CCDC66: variants seen among roughly 807,000 people sequenced by gnomAD.
CCDC66 encodes the protein coiled-coil domain-containing protein 66.
In CCDC66, 133 loss-of-function variants were observed where a neutral mutation model predicts 128.3. The ratio of observed to expected loss-of-function variants is 1.04; its 90% CI spans 0.90 to 1.20. The LOEUF (loss-of-function observed/expected upper bound fraction) is 1.20. Ranked by LOEUF, CCDC66 falls within the 50% of genes most tolerant of loss-of-function variation. The probability of loss-of-function intolerance (pLI) is 0.00; values close to 1 mark genes in which losing one functional copy is unlikely to be tolerated. For missense variants in CCDC66, 1,126 were observed against 1,075.5 expected (o/e 1.05, Z -0.66); for synonymous variants, 387 against 357.0 (o/e 1.08, Z -0.95).
rs1364075658 is a variant in CCDC66, at chr3:56,619,528, GT to G, written c.2635+2del. The G allele has an allele frequency of 6.2e-7, 1 of 1,601,410 alleles. No homozygotes were observed. Among genetic ancestry groups the G allele is most frequent in the Non-Finnish European group, 8.5e-7 (1 of 1,175,364 alleles). On this transcript the variant is annotated splice_donor_variant, in intron 16 of 17. Coordinates refer to ENST00000394672, the MANE Select transcript of CCDC66 (RefSeq NM_001141947.3). LOFTEE classifies it high-confidence loss of function. ...GACCCTCAGTACCAAAATTCACAAG[GT>G]AAGTAAATATTAAGCATTCTAACTG...
chr3:56,579,505 G>C (rs2067963991), intron 7 of CCDC66, among the ~76,000 whole-genome samples: 1 of 151,708 alleles, frequency 6.6e-6, no homozygotes, highest in Non-Finnish European at 1.5e-5. Flanking sequence ...TGATATTAGG[G>C]TGTCAATTTT....
intron 11 of CCDC66, 91 bp from the exon 12 acceptor site, chr3:56,615,037 T>C (rs1371852313): frequency 7.4e-6 from 10 of 1,348,022 alleles, no homozygotes; most frequent in Non-Finnish European, 7.2e-6. Flanking sequence ...GCCTGATACA[T>C]AGGAGAAGCT....
intron 10 of CCDC66, among the ~76,000 whole-genome samples, chr3:56,594,414 C>T (rs149818388): frequency 1.8e-4 from 27 of 151,842 alleles, no homozygotes; most frequent in Non-Finnish European, 3.1e-4. Context: ...TGGCCGGGCA[C>T]GGTGGCTCAC....
chr3:56,564,985 C>A (rs1436181361), intron 4 of CCDC66: 1 of 175,052 alleles, frequency 5.7e-6, no homozygotes, highest in East Asian at 1.6e-4. Context: ...GAAATCATAT[C>A]AACAAAGTTA....
At chr3:56,562,631 A>T (rs997529659) in intron 3 of CCDC66, among the ~76,000 whole-genome samples, 1 of 151,808 alleles carries the variant, frequency 6.6e-6, no homozygotes, top group Non-Finnish European at 1.5e-5. Context: ...AGCACATTTT[A>T]TATATATATA....
chr3:56,581,746 A>T (rs1185158905), intron 7 of CCDC66, among the ~76,000 whole-genome samples: 2 of 151,822 alleles, frequency 1.3e-5, no homozygotes, highest in Non-Finnish European at 2.9e-5. Flanking sequence ...GCAGAACAGC[A>T]AATGTTGCTG....
intron 7 of CCDC66, among the ~76,000 whole-genome samples, chr3:56,575,455 G>A (rs2067228990): frequency 6.6e-6 from 1 of 151,824 alleles, no homozygotes; most frequent in South Asian, 2.1e-4. Flanking sequence ...TTTTGTTGTT[G>A]AGTTGTAGGA....
At chr3:56,571,087 TG>T (rs2066551555) in intron 6 of CCDC66, 93 bp from the exon 7 acceptor site, 7 of 840,124 alleles carry the variant, frequency 8.3e-6, no homozygotes, top group Non-Finnish European at 1.8e-6. Flanking sequence ...TGATTAGATC[TG>T]TGTTGGTATC....
At chr3:56,611,511 C>T (rs1330552396) in intron 10 of CCDC66, among the ~76,000 whole-genome samples, 2 of 150,396 alleles carry the variant, frequency 1.3e-5, no homozygotes, top group African/African-American at 2.4e-5. Flanking sequence ...CGAAAGAAAA[C>T]GGCTTTAGTT....
chr3:56,611,050 C>T (rs1392956988), intron 10 of CCDC66, among the ~76,000 whole-genome samples: 2 of 152,098 alleles, frequency 1.3e-5, no homozygotes, highest in Non-Finnish European at 2.9e-5. Context: ...TGGCCTCCTG[C>T]CAGGAGGTGG....
chr3:56,617,135 A>G lies in CCDC66; in HGVS notation c.1867A>G (p.Thr623Ala), dbSNP rs2075625207. The change falls in exon 14 of 18, where the codon ACC becomes GCC. Residue 623 changes from threonine to alanine, a missense_variant. Transcript: ENST00000394672. ...QTDDLNIGIF[T>A]NAESHCGSLM... is the part of the protein sequence containing the mutation. ...AGATGACTTAAATATAGGAATATTCACCAATGCAGAATCACATTGTGGATC... is the reference window on the plus strand; with the variant it reads ...AGATGACTTAAATATAGGAATATTCGCCAATGCAGAATCACATTGTGGATC... 6.4e-7 allele frequency: 1 copy of G among 1,551,232 alleles called. No homozygotes were observed. The highest frequency in any genetic ancestry group is 1.4e-5 in the African/African-American group (1 of 72,138).
At position 56,613,586 on chromosome 3, in the gene CCDC66, T is replaced by C; in HGVS notation, c.1405-3T>C. The C allele has an allele frequency of 6.2e-7, 1 of 1,608,594 alleles. No homozygotes were observed. The highest frequency in any genetic ancestry group is 8.5e-7 in the Non-Finnish European group (1 of 1,178,642). On this transcript the variant is annotated splice_polypyrimidine_tract_variant and splice_region_variant and intron_variant, in intron 10 of 17. Coordinates refer to ENST00000394672, the MANE Select transcript of CCDC66 (RefSeq NM_001141947.3). ...AATGATTTACGTGATTGCTTATGAC[T>C]AGAAAGCCATCACTGCCCAGGTAGA...
intron 6 of CCDC66, 55 bp downstream of exon 6, chr3:56,567,108 G>A: frequency 3.6e-6 from 5 of 1,383,030 alleles, no homozygotes; most frequent in South Asian, 3.5e-5. Context: ...AATATGTATT[G>A]AAGCCGGGCA....
Position 56,618,246 on chromosome 3 carries a change from T to C in CCDC66, c.2378+34T>C, listed in dbSNP as rs375378528. 79 of 1,578,578 alleles carry C rather than the reference T, an allele frequency of 5.0e-5. No homozygotes were observed. In the African/African-American group the frequency reaches 1.0e-3, roughly 20 times the overall value. ...GCATCAGATTAATTCCGCAGCTACTTAATGCTTTCTATGTGGGACAAAAAA... is the reference window on the plus strand; with the variant it reads ...GCATCAGATTAATTCCGCAGCTACTCAATGCTTTCTATGTGGGACAAAAAA... On this transcript the variant is annotated intron_variant, in intron 15 of 17. Coordinates refer to ENST00000394672, the MANE Select transcript of CCDC66 (RefSeq NM_001141947.3).
intron 14 of CCDC66, chr3:56,617,845 A>G: frequency 1.7e-6 from 1 of 577,454 alleles, no homozygotes; most frequent in Non-Finnish European, 3.0e-6. Context: ...CTAGCAACAG[A>G]AACAATATGG....
intron 10 of CCDC66, among the ~76,000 whole-genome samples, chr3:56,597,621 T>A (rs1226786453): frequency 6.6e-6 from 1 of 151,880 alleles, no homozygotes; most frequent in African/African-American, 2.4e-5. Flanking sequence ...GATATTTTAT[T>A]GTTTTGTAGC....
At chr3:56,563,416 G>T in intron 3 of CCDC66, 8 of 300,088 alleles carry the variant, frequency 2.7e-5, no homozygotes, top group East Asian at 5.6e-5. Flanking sequence ...AAGAGATAAT[G>T]TAGGTGGTAT....
At chr3:56,562,851 T>G (rs2065280092) in intron 3 of CCDC66, among the ~76,000 whole-genome samples, 1 of 151,512 alleles carries the variant, frequency 6.6e-6, no homozygotes. Flanking sequence ...TTTACCTTGT[T>G]GGCCAGGCTG....
intron 3 of CCDC66, chr3:56,563,466 G>GATGT (rs1452130149): frequency 2.0e-6 from 1 of 495,500 alleles, no homozygotes; most frequent in Non-Finnish European, 3.5e-6. Flanking sequence ...GTATAGTGGA[G>GATGT]ATGTCCTATA....
Sources: gnomAD v4.1 joint callset for allele counts (sites outside exome capture counted in the v4.1 genomes callset) on GRCh38, gnomAD v4.1.1 for gene constraint, MANE v1.5 for transcripts, NCBI Gene and HGNC (gene_info 2026-07-23, HGNC 2026-07-21) for gene names.